The following ACVR1C variants were observed in gnomAD, a reference collection of about 807,000 sequenced individuals.
The protein encoded by ACVR1C is activin A receptor type 1C.
A neutral mutation model predicts 57.9 loss-of-function variants in ACVR1C; 23 were observed. That is an observed-to-expected ratio of 0.40 (90% CI 0.29 to 0.56). ACVR1C has a LOEUF of 0.56. ACVR1C is among the 20% of genes least tolerant of loss of function. ACVR1C has a pLI of 0.50. For synonymous variants in ACVR1C, 214 were observed against 215.3 expected (o/e 0.99, Z 0.05); for missense variants, 480 against 607.9 (o/e 0.79, Z 2.21).
chr2:157,627,012 T>A (rs1682910379), intron 1 of ACVR1C, among the ~76,000 whole-genome samples: 1 of 152,202 alleles, frequency 6.6e-6, no homozygotes, highest in African/African-American at 2.4e-5. Flanking sequence ...CATGTTGCTA[T>A]GCTCAAGGTC....
chr2:157,556,463 T>A, intron 2 of ACVR1C, 131 bp from the exon 3 acceptor site: 1 of 1,197,826 alleles, frequency 8.3e-7, no homozygotes, highest in Non-Finnish European at 1.2e-6. Flanking sequence ...TGTTCATTGG[T>A]AAAGGCTCTC....
chr2:157,593,862 T>G (rs1682007616), intron 1 of ACVR1C, among the ~76,000 whole-genome samples: 1 of 152,218 alleles, frequency 6.6e-6, no homozygotes, highest in African/African-American at 2.4e-5. Context: ...CAAACTTTTT[T>G]GGCCAAATGA....
chr2:157,581,709 G>C (rs1040733471), intron 2 of ACVR1C, among the ~76,000 whole-genome samples: 6 of 152,160 alleles, frequency 3.9e-5, no homozygotes, highest in African/African-American at 1.2e-4. Flanking sequence ...GATCCACTTG[G>C]CTTTCAGGTG....
intron 1 of ACVR1C, among the ~76,000 whole-genome samples, chr2:157,617,947 A>T (rs1244647919): frequency 1.3e-5 from 2 of 151,918 alleles, no homozygotes; most frequent in Non-Finnish European, 2.9e-5. Flanking sequence ...CTAAACAAAA[A>T]TTAATTAGAA....
chr2:157,605,742 A>G (rs1020280962), intron 1 of ACVR1C, among the ~76,000 whole-genome samples: 2 of 151,696 alleles, frequency 1.3e-5, no homozygotes, highest in Admixed American at 6.6e-5. Context: ...CATAGAATGT[A>G]TAATAGTCAA....
chr2:157,584,045 A>G (rs1038194987), intron 2 of ACVR1C, among the ~76,000 whole-genome samples: 4 of 130,280 alleles, frequency 3.1e-5, no homozygotes, highest in African/African-American at 5.0e-5. Context: ...TGTGCTCTGT[A>G]AAAAATACCT....
At chr2:157,572,604 ATATGGAATCCTCAAT>A (rs1688542798) in intron 2 of ACVR1C, among the ~76,000 whole-genome samples, 1 of 152,168 alleles carries the variant, frequency 6.6e-6, no homozygotes, top group Non-Finnish European at 1.5e-5. Flanking sequence ...ACCTTATCTA[ATATGGAATCCTCAAT>A]TTAGAATTGG....
chr2:157,564,390 A>G (rs942627033), intron 2 of ACVR1C, among the ~76,000 whole-genome samples: 1 of 152,248 alleles, frequency 6.6e-6, no homozygotes, highest in African/African-American at 2.4e-5. Context: ...GGGAAATGTA[A>G]ATCAAAACCA....
At chr2:157,544,168 G>A (rs6756411) in intron 5 of ACVR1C, among the ~76,000 whole-genome samples, 1,890 of 147,918 alleles carry the variant, frequency 0.013, 46 homozygotes, top group African/African-American at 0.044. Context: ...CCTCCCAAGT[G>A]GCTGGGACTA....
chr2:157,607,588 A>C (rs1329791310), intron 1 of ACVR1C, among the ~76,000 whole-genome samples: 1 of 151,702 alleles, frequency 6.6e-6, no homozygotes, highest in East Asian at 1.9e-4. Flanking sequence ...CCTACTCTTC[A>C]GATCTATGAG....
chr2:157,558,378 C>T (rs1020779898), intron 2 of ACVR1C, among the ~76,000 whole-genome samples: 2 of 152,172 alleles, frequency 1.3e-5, no homozygotes, highest in Non-Finnish European at 1.5e-5. Flanking sequence ...ATATCTTAGA[C>T]GTTCTTGCAC....
intron 1 of ACVR1C, among the ~76,000 whole-genome samples, chr2:157,612,247 A>AC (rs1175350920): frequency 4.6e-5 from 7 of 151,814 alleles, no homozygotes; most frequent in African/African-American, 1.7e-4. Context: ...GTGGGGAGGG[A>AC]CCCTGCCCTC....
intron 8 of ACVR1C, 37 bp downstream of exon 8, chr2:157,538,536 T>C: frequency 6.7e-7 from 1 of 1,499,668 alleles, no homozygotes; most frequent in Non-Finnish European, 8.9e-7. Flanking sequence ...ACCTCAAAAA[T>C]ATAATAAGAA....
chr2:157,609,027 G>T (rs1286985015), intron 1 of ACVR1C, among the ~76,000 whole-genome samples: 1 of 151,380 alleles, frequency 6.6e-6, no homozygotes, highest in Non-Finnish European at 1.5e-5. Flanking sequence ...TTGGGGTTTG[G>T]TTTGCTCTTG....
intron 2 of ACVR1C, among the ~76,000 whole-genome samples, chr2:157,585,388 C>T (rs553604063): frequency 6.6e-6 from 1 of 152,208 alleles, no homozygotes; most frequent in South Asian, 2.1e-4. Context: ...AAAAGAAAGA[C>T]TGGTTACTGA....
chr2:157,608,559 A>G (rs1682459828), intron 1 of ACVR1C, among the ~76,000 whole-genome samples: 1 of 151,878 alleles, frequency 6.6e-6, no homozygotes. Flanking sequence ...GATAACTGGT[A>G]TTAGATCTTC....
rs138560862 is a variant in ACVR1C, at chr2:157,611,728, G to T, written c.73+16844C>A. Among the ~76,000 whole-genome samples, 101 of 150,946 alleles carry T rather than the reference G, an allele frequency of 6.7e-4. 1 individual carries two copies. In the East Asian group the frequency reaches 0.018, roughly 27 times the overall value. On this transcript the variant is annotated intron_variant, in intron 1 of 8. Coordinates refer to ENST00000243349, the MANE Select transcript of ACVR1C (RefSeq NM_145259.3). ...TTGTCAGTGGTGTTGACAGCAAGCT[G>T]GGGGGGCCAGCTCTTAAAGTTCCTG...
intron 1 of ACVR1C, among the ~76,000 whole-genome samples, chr2:157,589,882 C>T (rs551673010): frequency 2.6e-5 from 4 of 151,924 alleles, no homozygotes; most frequent in Admixed American, 6.6e-5. Context: ...AAGCTACATA[C>T]TTACAACCAA....
Position 157,541,185 on chromosome 2 carries a change from G to T in ACVR1C, c.1130C>A (p.Thr377Lys), listed in dbSNP as rs767793525. 40 of 1,613,642 alleles carry T rather than the reference G, an allele frequency of 2.5e-5. No individual in the cohort carries two copies. The highest frequency in any genetic ancestry group is 4.2e-6 in the Non-Finnish European group (5 of 1,179,888). Residue 377 changes from threonine (T) to lysine (K), a missense_variant, in exon 7 of 9, where the codon ACA becomes AAA. By Grantham distance (78) the Thr-to-Lys change is moderately conservative. Transcript: ENST00000243349. ...GGACTCAAAGATATTCACATTCATT[G>T]TATCATCAAGCATTTCAGGAGCCAT... ...RYMAPEMLDD[T>K]MNVNIFESFK...
Sources: gnomAD v4.1 joint callset for allele counts (sites outside exome capture counted in the v4.1 genomes callset) on GRCh38, gnomAD v4.1.1 for gene constraint, MANE v1.5 for transcripts, NCBI Gene and HGNC (gene_info 2026-07-23, HGNC 2026-07-21) for gene names.